RORA: variants seen among roughly 807,000 people sequenced by gnomAD.
RORA encodes nuclear receptor ROR-alpha.
Under a neutral mutation model 69.5 loss-of-function variants are expected in RORA, and 7 were observed. The observed-to-expected ratio is 0.10, with a 90% CI of 0.06 to 0.19. RORA has a LOEUF of 0.19. RORA is among the 10% of genes least tolerant of loss of function. The pLI is 1.00. For missense variants in RORA, 457 were observed against 663.0 expected (o/e 0.69, Z 3.41); for synonymous variants, 261 against 240.8 (o/e 1.08, Z -0.78).
chr15:61,137,076 A>C, intron 1 of RORA, among the ~76,000 whole-genome samples: 2 of 149,866 alleles, frequency 1.3e-5, no homozygotes, highest in African/African-American at 5.1e-5. Context: ...AGAAAGAAAG[A>C]AAGAAAGAAA....
chr15:60,826,594 C>T (rs1415402354), intron 1 of RORA, among the ~76,000 whole-genome samples: 2 of 151,798 alleles, frequency 1.3e-5, no homozygotes, highest in Non-Finnish European at 2.9e-5. Flanking sequence ...TTTAGCAGCT[C>T]CTGCTACTAA....
In RORA at chr15:61,128,182, T is replaced by C. The variant is rs1336452294; in HGVS notation, c.166+100871A>G. On this transcript the variant is annotated intron_variant, in intron 1 of 10. Coordinates refer to ENST00000335670, the MANE Select transcript of RORA (RefSeq NM_134261.3). The surrounding 1 kb of genome is among the most constrained non-coding windows in gnomAD (Gnocchi z 4.5). ...TTTGTATATTTTCCCTATATCATAA[T>C]TGCTGTGTGTGTGTATGCACACGTG... Among the ~76,000 whole-genome samples, 2 of 149,846 alleles carry C rather than the reference T, an allele frequency of 1.3e-5. No homozygotes were observed. The highest frequency in any genetic ancestry group is 1.5e-5 in the Non-Finnish European group (1 of 67,260).
intron 1 of RORA, among the ~76,000 whole-genome samples, chr15:60,851,127 C>T (rs552530323): frequency 8.5e-5 from 13 of 152,232 alleles, no homozygotes; most frequent in African/African-American, 1.9e-4. Flanking sequence ...CTAGCACCAC[C>T]GCTTGAGTCA....
intron 1 of RORA, among the ~76,000 whole-genome samples, chr15:60,807,042 G>T (rs896971529): frequency 1.3e-5 from 2 of 152,086 alleles, no homozygotes; most frequent in African/African-American, 4.8e-5. Context: ...ATTCAACATA[G>T]TACTGGAAGT....
rs73422424 is a variant in RORA, at chr15:61,020,593, A to T, written c.166+208460T>A. On this transcript the variant is annotated intron_variant, in intron 1 of 10. Transcript: ENST00000335670. ...CTTCTCCAATCCAGATGCTTCCAAA[A>T]CCTTCACCCTCAGAGAGACTGATCA... 3.9e-3 allele frequency among the ~76,000 whole-genome samples: 600 copies of T among 152,250 alleles called. 6 individuals carry two copies. The highest frequency in any genetic ancestry group is 0.014 in the African/African-American group (568 of 41,548).
chr15:61,152,776 G>C (rs1406214899), intron 1 of RORA, among the ~76,000 whole-genome samples: 1 of 152,110 alleles, frequency 6.6e-6, no homozygotes, highest in Non-Finnish European at 1.5e-5. Context: ...ATCATGCCAG[G>C]CTTTAGGTTA....
intron 2 of RORA, among the ~76,000 whole-genome samples, chr15:60,566,457 CA>C (rs1243024703): frequency 2.4e-4 from 37 of 152,236 alleles, no homozygotes; most frequent in African/African-American, 8.4e-4. Flanking sequence ...TAATTAATCA[CA>C]GTGCATACTG....
chr15:61,212,445 G>A (rs891055664), intron 1 of RORA, among the ~76,000 whole-genome samples: 2 of 152,178 alleles, frequency 1.3e-5, no homozygotes, highest in Non-Finnish European at 2.9e-5. Flanking sequence ...TGTCGCCCAG[G>A]CTGGAGTGCA....
chr15:60,541,635 T>C (rs568413613), intron 2 of RORA, among the ~76,000 whole-genome samples: 3 of 152,334 alleles, frequency 2.0e-5, no homozygotes, highest in Non-Finnish European at 2.9e-5. Flanking sequence ...GGGATTTAAG[T>C]AGTTGCGAGA....
intron 1 of RORA, among the ~76,000 whole-genome samples, chr15:61,200,958 G>A (rs938045450): frequency 1.3e-5 from 2 of 152,156 alleles, no homozygotes; most frequent in Non-Finnish European, 2.9e-5. Flanking sequence ...ACCAGAAAGC[G>A]GAAGCCGACT....
At chr15:60,979,543 C>T (rs1893976710) in intron 1 of RORA, among the ~76,000 whole-genome samples, 2 of 152,102 alleles carry the variant, frequency 1.3e-5, no homozygotes, top group Admixed American at 1.3e-4. Context: ...AGGACTTTCA[C>T]TTCCTTGGTT....
chr15:60,543,682 A>G (rs2066976684), intron 2 of RORA, among the ~76,000 whole-genome samples: 1 of 152,076 alleles, frequency 6.6e-6, no homozygotes, highest in South Asian at 2.1e-4. Context: ...GGGTTTCACC[A>G]TGTTGCCCAG....
At chr15:61,207,470 G>A (rs1309686897) in intron 1 of RORA, among the ~76,000 whole-genome samples, 4 of 152,220 alleles carry the variant, frequency 2.6e-5, no homozygotes, top group South Asian at 2.1e-4. Flanking sequence ...GCAAATGGAA[G>A]TGCACATCGT....
At chr15:60,882,577 T>C (rs777409860) in intron 1 of RORA, among the ~76,000 whole-genome samples, 11 of 152,118 alleles carry the variant, frequency 7.2e-5, no homozygotes, top group Non-Finnish European at 1.3e-4. Context: ...GGTAGTGCTA[T>C]ATATTTCCTC....
chr15:60,886,736 A>C (rs115846756), intron 1 of RORA, among the ~76,000 whole-genome samples: 1,571 of 152,370 alleles, frequency 0.01, 25 homozygotes, highest in African/African-American at 0.037. Flanking sequence ...AGAACAACTT[A>C]AGACATTACT....
chr15:60,927,929 T>A (rs918547350), intron 1 of RORA, among the ~76,000 whole-genome samples: 1 of 152,248 alleles, frequency 6.6e-6, no homozygotes, highest in Non-Finnish European at 1.5e-5. Context: ...TGACAGTGTC[T>A]GGATTAGAAC....
chr15:61,146,521 G>C (rs2079351359), intron 1 of RORA, among the ~76,000 whole-genome samples: 1 of 151,698 alleles, frequency 6.6e-6, no homozygotes, highest in African/African-American at 2.4e-5. Flanking sequence ...TTAGAAAATG[G>C]ATGCAGTTCA....
intron 1 of RORA, among the ~76,000 whole-genome samples, chr15:60,725,621 G>T (rs1199241866): frequency 6.6e-6 from 1 of 152,040 alleles, no homozygotes; most frequent in Non-Finnish European, 1.5e-5. Flanking sequence ...AAATTATTTT[G>T]ACCTTAGTCA....
intron 1 of RORA, among the ~76,000 whole-genome samples, chr15:60,935,799 C>A (rs567688733): frequency 3.1e-4 from 47 of 152,336 alleles, no homozygotes; most frequent in African/African-American, 1.1e-3. Flanking sequence ...AGATGCTGCA[C>A]AAATGATCAG....
Sources: allele counts gnomAD v4.1 joint callset (sites outside exome capture counted in the v4.1 genomes callset), GRCh38; gene constraint gnomAD v4.1.1; non-coding constraint Gnocchi (gnomAD v3.1); transcripts MANE v1.5; gene names NCBI Gene and HGNC (gene_info 2026-07-23, HGNC 2026-07-21).